The following ZNF276 variants were observed in gnomAD, a reference collection of about 807,000 sequenced individuals.
ZNF276 encodes the protein zinc finger protein 276.
In ZNF276, 59 loss-of-function variants were observed where a neutral mutation model predicts 63.9. The ratio of observed to expected loss-of-function variants is 0.92; its 90% CI spans 0.75 to 1.15. The LOEUF is 1.15. ZNF276 is among the 50% of genes most tolerant of loss of function. The pLI is 0.00. For missense variants in ZNF276, 1,084 were observed against 843.8 expected, an observed-to-expected ratio of 1.28 and a Z score of -3.53; for synonymous variants, 496 against 348.4, an observed-to-expected ratio of 1.42 and a Z score of -4.72.
intron 5 of ZNF276, among the ~76,000 whole-genome samples, chr16:89,728,180 T>TTA (rs2061525158): frequency 1.3e-5 from 2 of 151,174 alleles, no homozygotes; most frequent in Admixed American, 1.3e-4. Context: ...GCAGCTGAGG[T>TTA]TATAGCATAA....
rs763456811 is a variant in ZNF276 at position 89,722,817 on chromosome 16, C to T, written c.492C>T (p.Arg164=). The T allele has an allele frequency of 3.7e-6, 6 of 1,603,546 alleles. No individual in the cohort carries two copies. The highest frequency in any genetic ancestry group is 1.1e-5 in the South Asian group (1 of 91,086). ...LQRVNASPAG[R]RKPCAKVGAQ... ...GGGTCAACGCCTCCCCGGCTGGTCG[C>T]CGGAAGCCTTGTGCAAAGTACGCCC... Residue 164 remains arginine (R), a synonymous_variant, in exon 2 of 11, where the codon CGC becomes CGT. Coordinates refer to ENST00000443381, the MANE Select transcript of ZNF276 (RefSeq NM_001113525.2).
chr16:89,737,811 C>A lies in ZNF276; in HGVS notation c.1480C>A (p.Arg494=). 6.2e-7 allele frequency: 1 copy of A among 1,614,164 alleles called. No homozygotes were observed. Among genetic ancestry groups the A allele is most frequent in the Non-Finnish European group, 8.5e-7 (1 of 1,180,024 alleles). Residue 494 remains arginine, a synonymous_variant, in exon 10 of 11, where the codon CGG becomes AGG. Coordinates refer to ENST00000443381, the MANE Select transcript of ZNF276 (RefSeq NM_001113525.2). The stretch of plus-strand genomic sequence containing the variant: ...ACTGGACTCTCCCCTCTCAGAGGTG[C>A]GGAACTATATCTGTGACGAATGTGG... ...RHVKLIHTEV[R]NYICDECGQT...
At chr16:89,724,821 T>TCTAC (rs1287482813) in intron 4 of ZNF276, among the ~76,000 whole-genome samples, 8 of 133,240 alleles carry the variant, frequency 6.0e-5, no homozygotes, top group Admixed American at 4.5e-4. Context: ...TGTGTATCTA[T>TCTAC]CTACCTACCT....
intron 9 of ZNF276, among the ~76,000 whole-genome samples, chr16:89,735,541 TCC>T (rs2061829701): frequency 6.6e-6 from 1 of 152,052 alleles, no homozygotes; most frequent in Admixed American, 6.6e-5. Flanking sequence ...TCTGCATCTG[TCC>T]GGTCACTGAT....
Position 89,733,427 on chromosome 16 carries a change from G to T in ZNF276, c.1280+15G>T. On this transcript the variant is annotated intron_variant, in intron 7 of 10. Transcript: ENST00000443381. ...CGTTGTGAGAGGTGATGCCTGCAAC[G>T]CGAGGCTCGCCCTGCCTGTCGGGGC... 1 of 1,614,060 alleles carries T rather than the reference G, an allele frequency of 6.2e-7. No individual in the cohort carries two copies. The highest frequency in any genetic ancestry group is 1.3e-5 in the African/African-American group (1 of 75,056).
At chr16:89,733,613 G>A in intron 8 of ZNF276, 56 bp downstream of exon 8, 4 of 1,587,800 alleles carry the variant, frequency 2.5e-6, no homozygotes, top group South Asian at 2.2e-5. Context: ...GAACCTGGGG[G>A]AGGTAGCAGG....
At position 89,728,691 on chromosome 16, in the gene ZNF276, C is replaced by T. The variant is rs140134829; in HGVS notation, c.1086-544C>T. On this transcript the variant is annotated intron_variant, in intron 5 of 10. Coordinates refer to ENST00000443381, the MANE Select transcript of ZNF276 (RefSeq NM_001113525.2). ...TGCTGGGATTACAGGTGTTAGCCAC[C>T]GCACCCGGCCAATTTTTGTATTTTT... is the stretch of plus-strand genomic sequence containing the variant. Among the ~76,000 whole-genome samples the T allele has an allele frequency of 4.5e-3, 687 of 152,038 alleles. 5 individuals carry two copies. The highest frequency in any genetic ancestry group is 0.015 in the African/African-American group (642 of 41,482).
chr16:89,734,099 C>T, intron 9 of ZNF276, 61 bp downstream of exon 9: 1 of 1,511,112 alleles, frequency 6.6e-7, no homozygotes, highest in Admixed American at 1.7e-5. Flanking sequence ...ACCTGCTTTC[C>T]AGTCTTCCTC....
chr16:89,733,505 A>G lies in ZNF276; in HGVS notation c.1304A>G (p.Lys435Arg), dbSNP rs769531702. 58 of 1,614,046 alleles carry G rather than the reference A, an allele frequency of 3.6e-5. No individual in the cohort carries two copies. The highest frequency in any genetic ancestry group is 4.7e-5 in the Non-Finnish European group (55 of 1,180,040). ...AGGGAGGAGCTTCCCACCATCTACAAGTGTCCTTACCAGGGCTGCACGGCC... is the reference window on the plus strand; with the variant it reads ...AGGGAGGAGCTTCCCACCATCTACAGGTGTCCTTACCAGGGCTGCACGGCC... ...CEREELPTIY[K>R]CPYQGCTAVY... Residue 435 changes from lysine (K) to arginine (R), a missense_variant, in exon 8 of 11, where the codon AAG becomes AGG. Physicochemically the swap from Lys to Arg is conservative, Grantham distance 26. Coordinates refer to ENST00000443381, the MANE Select transcript of ZNF276 (RefSeq NM_001113525.2).
intron 9 of ZNF276, among the ~76,000 whole-genome samples, chr16:89,734,761 T>A (rs933084494): frequency 6.6e-6 from 1 of 151,882 alleles, no homozygotes. Context: ...CGGAGGCGGA[T>A]GGGGGAATTA....
Position 89,738,399 on chromosome 16 carries a change from C to G in ZNF276, c.*153C>G, listed in dbSNP as rs1180146799. On this transcript the variant is annotated 3_prime_UTR_variant, in exon 11 of 11. Coordinates refer to ENST00000443381, the MANE Select transcript of ZNF276 (RefSeq NM_001113525.2). ...TTGGTGTCCGGCTCAAGTAGCCTTCCTCTGCTCTGGGACCAGTGGTTTATT... is the reference window on the plus strand; with the variant it reads ...TTGGTGTCCGGCTCAAGTAGCCTTCGTCTGCTCTGGGACCAGTGGTTTATT... The G allele has an allele frequency of 1.4e-6, 2 of 1,384,396 alleles. No individual in the cohort carries two copies. Among genetic ancestry groups the G allele is most frequent in the African/African-American group, 2.9e-5 (2 of 69,656 alleles). 85.8% of individuals were successfully genotyped at this position (1,384,396 alleles called of 1,614,324 possible). A position where few individuals can be genotyped will look rare whatever the true frequency, so the allele number is the denominator to read the frequency against.
At chr16:89,728,318 G>A (rs1056878962) in intron 5 of ZNF276, among the ~76,000 whole-genome samples, 8 of 148,776 alleles carry the variant, frequency 5.4e-5, no homozygotes, top group East Asian at 2.0e-4. Flanking sequence ...TCCACCTCCC[G>A]CGTTCAAGTG....
chr16:89,721,368 A>C, upstream of ZNF276: 2 of 338,310 alleles, frequency 5.9e-6, no homozygotes. Context: ...GCCCCAGGCC[A>C]GCGCTCCATT....
rs2061375819 is a variant in ZNF276, at chr16:89,723,619, G to A, written c.916G>A (p.Asp306Asn). Residue 306 changes from aspartate (D) to asparagine (N), a missense_variant, in exon 4 of 11, where the codon GAT becomes AAT. Physicochemically the swap from Asp to Asn is conservative, Grantham distance 23. Coordinates refer to ENST00000443381, the MANE Select transcript of ZNF276 (RefSeq NM_001113525.2). ...GAETKTLPST[D>N]VAQPPSDSDA... ...TGAGACCAAGACCCTGCCCAGCACG[G>A]ATGTGGCCCAGCCTCCTTCGGACAG... 1 of 1,612,660 alleles carries A rather than the reference G, an allele frequency of 6.2e-7. No homozygotes were observed. The highest frequency in any genetic ancestry group is 1.7e-5 in the Admixed American group (1 of 60,004).
At chr16:89,729,383 C>A (rs1279383672) in intron 6 of ZNF276, 65 bp downstream of exon 6, 2 of 1,423,380 alleles carry the variant, frequency 1.4e-6, no homozygotes, top group Admixed American at 1.7e-5. Flanking sequence ...CGCCTGTGCT[C>A]CAGGGCCTCT....
At chr16:89,730,803 G>C (rs773382757) in intron 6 of ZNF276, among the ~76,000 whole-genome samples, 2 of 152,174 alleles carry the variant, frequency 1.3e-5, no homozygotes, top group African/African-American at 4.8e-5. Flanking sequence ...CCCCCGGCCC[G>C]TGTGCTGCCT....
In ZNF276 at chr16:89,739,272, T is replaced by C. The variant is rs2062059522; in HGVS notation, c.*1026T>C. ...CTCTTCCCTGATGGCCGCGTCTTCA[T>C]GGAAGTAGGAGAGAAGACTAGAGGT... On this transcript the variant is annotated 3_prime_UTR_variant, in exon 11 of 11. Coordinates refer to ENST00000443381, the MANE Select transcript of ZNF276 (RefSeq NM_001113525.2). 2 of 1,613,974 alleles carry C rather than the reference T, an allele frequency of 1.2e-6. No homozygotes were observed. The highest frequency in any genetic ancestry group is 1.1e-5 in the South Asian group (1 of 91,084).
Position 89,733,024 on chromosome 16 carries a change from TTG to T in ZNF276, c.1170-277_1170-276del. On this transcript the variant is annotated intron_variant, in intron 6 of 10. Transcript: ENST00000443381. ...CCTGCGCCCTCGCCCTCTGCTGTGT[TTG>T]CCCTGACCCTGCTGTACCCTGCGCC... is the stretch of plus-strand genomic sequence containing the variant. 4 of 302,330 alleles carry T rather than the reference TTG, an allele frequency of 1.3e-5. 1 individual carries two copies. The highest frequency in any genetic ancestry group is 1.3e-5 in the Non-Finnish European group (2 of 150,654). The allele number at this position is 302,330 out of a possible 1,614,324, so 18.7% of individuals were successfully genotyped here.
intron 6 of ZNF276, among the ~76,000 whole-genome samples, chr16:89,729,650 C>G (rs1197480650): frequency 6.6e-6 from 1 of 152,144 alleles, no homozygotes; most frequent in Non-Finnish European, 1.5e-5. Flanking sequence ...TTCTGCCGGT[C>G]CTGCCCTGGG....
Sources: allele counts gnomAD v4.1 joint callset (sites outside exome capture counted in the v4.1 genomes callset), GRCh38; gene constraint gnomAD v4.1.1; transcripts MANE v1.5; gene names NCBI Gene and HGNC (gene_info 2026-07-23, HGNC 2026-07-21).